KLRD1: variants seen among roughly 807,000 people sequenced by gnomAD.
KLRD1 encodes the protein natural killer cells antigen CD94.
Under a neutral mutation model 22.6 loss-of-function variants are expected in KLRD1, and 21 were observed. The observed-to-expected ratio is 0.93, with a 90% CI of 0.66 to 1.34. The LOEUF (loss-of-function observed/expected upper bound fraction) is 1.34, where lower values mean the gene tolerates loss of function less well. KLRD1 is among the 40% of genes most tolerant of loss of function. The pLI is 0.00. For synonymous variants in KLRD1, 59 were observed against 71.1 expected, an observed-to-expected ratio of 0.83 and a Z score of 0.85; for missense variants, 183 against 208.6, an observed-to-expected ratio of 0.88 and a Z score of 0.76.
At chr12:10,247,770 G>A (rs1025386544) in intron 1 of KLRD1, among the ~76,000 whole-genome samples, 4 of 152,060 alleles carry the variant, frequency 2.6e-5, no homozygotes, top group African/African-American at 7.3e-5. Context: ...ACATCTGATG[G>A]TTTTATAAGG....
In KLRD1 at chr12:10,261,367, C is replaced by T. The variant is rs1465738147; in HGVS notation, c.-101+35134C>T. ...AGAAATAATATAGAAGTAATAGTCA[C>T]ATAGTAGAGGAGAACTAAAATATAA... On this transcript the variant is annotated intron_variant, in intron 1 of 5. Coordinates refer to the KLRD1 transcript ENST00000544747. 2.0e-5 allele frequency among the ~76,000 whole-genome samples: 3 copies of T among 152,168 alleles called. No individual in the cohort carries two copies. The East Asian group carries it at 5.8e-4, about 29-fold the overall frequency.
chr12:10,240,849 G>C (rs1949234832), intron 1 of KLRD1, among the ~76,000 whole-genome samples: 1 of 152,106 alleles, frequency 6.6e-6, no homozygotes, highest in South Asian at 2.1e-4. Context: ...TTTTACCTTT[G>C]TTTTTGCTAT....
intron 1 of KLRD1, among the ~76,000 whole-genome samples, chr12:10,250,814 C>T (rs1446741352): frequency 2.6e-5 from 4 of 152,014 alleles, no homozygotes; most frequent in African/African-American, 9.7e-5. Context: ...AAATGGATAG[C>T]GTATTAAGGT....
intron 1 of KLRD1, among the ~76,000 whole-genome samples, chr12:10,298,539 A>G (rs1949840926): frequency 6.6e-6 from 1 of 152,232 alleles, no homozygotes; most frequent in Non-Finnish European, 1.5e-5. Flanking sequence ...CATAAACAAA[A>G]TATCTGCAGC....
intron 1 of KLRD1, among the ~76,000 whole-genome samples, chr12:10,273,739 G>C (rs900127005): frequency 2.6e-5 from 4 of 151,962 alleles, no homozygotes; most frequent in African/African-American, 7.2e-5. Context: ...AAATTCTAGA[G>C]TGAGTAGTAA....
At chr12:10,301,711 A>T (rs922847699), upstream of KLRD1, among the ~76,000 whole-genome samples, 2 of 152,170 alleles carry the variant, frequency 1.3e-5, no homozygotes, top group African/African-American at 4.8e-5. Flanking sequence ...AGCACTTTTA[A>T]AATTGCCTTC....
intron 1 of KLRD1, among the ~76,000 whole-genome samples, chr12:10,286,515 A>C (rs1332996807): frequency 6.6e-6 from 1 of 152,212 alleles, no homozygotes; most frequent in African/African-American, 2.4e-5. Context: ...CAAAAGCAGA[A>C]TCAAACATTT....
chr12:10,303,130 C>T (rs956191139), upstream of KLRD1, among the ~76,000 whole-genome samples: 2 of 152,196 alleles, frequency 1.3e-5, no homozygotes, highest in East Asian at 3.9e-4. Context: ...CTCTCACTGT[C>T]ATAATTTTGC....
Position 10,329,478 on chromosome 12 carries a change from G to C in KLRD1, c.*14685G>C, listed in dbSNP as rs1950391505. The C allele has an allele frequency of 6.6e-6, 1 of 152,214 alleles. No homozygotes were observed. Among genetic ancestry groups the C allele is most frequent in the Admixed American group, 6.6e-5 (1 of 15,264 alleles). 9.4% of individuals were successfully genotyped at this position (152,214 alleles called of 1,614,324 possible). On this transcript the variant is annotated 3_prime_UTR_variant, in exon 6 of 6. Transcript: ENST00000336164. ...ACTTGAGAAGAATGTATACTCTGCTGCTGTTGGATGGAATGTTCTGCACAT... is the reference window on the plus strand; with the variant it reads ...ACTTGAGAAGAATGTATACTCTGCTCCTGTTGGATGGAATGTTCTGCACAT...
At chr12:10,258,056 A>ACTT (rs35554337) in intron 1 of KLRD1, among the ~76,000 whole-genome samples, 121,543 of 151,662 alleles carry the variant, frequency 0.8, 53,291 homozygotes, top group Non-Finnish European at 0.98. Flanking sequence ...AATTTTCTTG[A>ACTT]CTTTACTTAA....
chr12:10,271,385 C>T (rs986327614), intron 1 of KLRD1, among the ~76,000 whole-genome samples: 1 of 152,128 alleles, frequency 6.6e-6, no homozygotes, highest in African/African-American at 2.4e-5. Context: ...TGGCCATCGC[C>T]GCCTGGTTGA....
At chr12:10,256,067 T>C in intron 1 of KLRD1, among the ~76,000 whole-genome samples, 1 of 152,224 alleles carries the variant, frequency 6.6e-6, no homozygotes, top group East Asian at 1.9e-4. Flanking sequence ...CTTTTATTAA[T>C]ATATGATATT....
chr12:10,244,735 A>G (rs1460609496), intron 1 of KLRD1, among the ~76,000 whole-genome samples: 1 of 152,112 alleles, frequency 6.6e-6, no homozygotes, highest in Non-Finnish European at 1.5e-5. Flanking sequence ...GTGAGCCAAG[A>G]TCACGCCACT....
Position 10,285,347 on chromosome 12 carries a change from C to T in KLRD1, c.-100-22631C>T, listed in dbSNP as rs188736751. Among the ~76,000 whole-genome samples, 343 of 152,240 alleles carry T rather than the reference C, an allele frequency of 2.3e-3. 2 individuals carry two copies. The highest frequency in any genetic ancestry group is 7.9e-3 in the African/African-American group (329 of 41,558). On this transcript the variant is annotated intron_variant, in intron 1 of 5. Transcript: ENST00000544747. ...TGTAAAACCACAGCCAGTCAAGTCA[C>T]GTTTATTCTAGAAATTATTTTTGCC...
intron 1 of KLRD1, among the ~76,000 whole-genome samples, chr12:10,287,785 T>G (rs1949722043): frequency 1.3e-5 from 2 of 152,082 alleles, no homozygotes. Flanking sequence ...GTAAGAAAGA[T>G]CAGGCCAGGC....
At chr12:10,278,350 A>G (rs1949610063) in intron 1 of KLRD1, among the ~76,000 whole-genome samples, 1 of 152,168 alleles carries the variant, frequency 6.6e-6, no homozygotes, top group African/African-American at 2.4e-5. Context: ...CAGTCTGAAA[A>G]TGGTGCCTGT....
rs953105912 is a variant in KLRD1 at position 10,325,528 on chromosome 12, T to A, written c.*10735T>A. 6.6e-6 allele frequency: 1 copy of A among 152,206 alleles called. No individual in the cohort carries two copies. The highest frequency in any genetic ancestry group is 2.4e-5 in the African/African-American group (1 of 41,448). The allele number at this position is 152,206 out of a possible 1,614,324, so 9.4% of individuals were successfully genotyped here. A position where few individuals can be genotyped will look rare whatever the true frequency, so the allele number is the denominator to read the frequency against. ...CTTTGATTAACGACGTCCCATTTTT[T>A]CCTCTCTCCATTCCTGGCAACCACC... is the stretch of plus-strand genomic sequence containing the variant. On this transcript the variant is annotated 3_prime_UTR_variant, in exon 6 of 6. Transcript: ENST00000336164.
upstream of KLRD1, among the ~76,000 whole-genome samples, chr12:10,300,023 A>G (rs2137675763): frequency 6.6e-6 from 1 of 152,236 alleles, no homozygotes; most frequent in South Asian, 2.1e-4. Flanking sequence ...TGTTATTTCT[A>G]CCACATCTGC....
At chr12:10,289,982 T>C (rs1949751531) in intron 1 of KLRD1, among the ~76,000 whole-genome samples, 1 of 152,186 alleles carries the variant, frequency 6.6e-6, no homozygotes, top group Non-Finnish European at 1.5e-5. Flanking sequence ...TTCTCCATGC[T>C]TGTCAGGCTG....
Sources: allele counts gnomAD v4.1 joint callset (sites outside exome capture counted in the v4.1 genomes callset), GRCh38; gene constraint gnomAD v4.1.1; transcripts MANE v1.5; gene names NCBI Gene and HGNC (gene_info 2026-07-23, HGNC 2026-07-21).